The following ZC2HC1B variants were observed in gnomAD, a reference collection of about 807,000 sequenced individuals.
The protein encoded by ZC2HC1B is zinc finger C2HC domain-containing protein 1B.
Under a neutral mutation model 31.0 loss-of-function variants are expected in ZC2HC1B, and 36 were observed. The observed-to-expected ratio is 1.16, with a 90% CI of 0.89 to 1.54. The LOEUF is 1.54. Ranked by LOEUF, ZC2HC1B falls within the 40% of genes most tolerant of loss-of-function variation. The probability of loss-of-function intolerance (pLI) is 0.00; values close to 1 mark genes in which losing one functional copy is unlikely to be tolerated. For synonymous variants in ZC2HC1B, 73 were observed against 88.0 expected (o/e 0.83, Z 0.95); for missense variants, 260 against 268.6 (o/e 0.97, Z 0.22).
intron 6 of ZC2HC1B, among the ~76,000 whole-genome samples, chr6:143,926,794 G>A (rs953988309): frequency 6.9e-6 from 1 of 143,936 alleles, no homozygotes; most frequent in Non-Finnish European, 1.5e-5. Context: ...GGATGTTCTG[G>A]TGTTAAGTTC....
Position 143,903,137 on chromosome 6 carries a change from G to A in ZC2HC1B, c.583G>A (p.Val195Ile), listed in dbSNP as rs767279704. ...QNRVLVATNEVPTKSGLAMDP... is the reference protein window; with the variant it reads ...QNRVLVATNEIPTKSGLAMDP... ...CAGGGTCCTGGTGGCCACGAATGAAGTCCCAACCAAGTCAGGTGAGTCAAA... is the reference window on the plus strand; with the variant it reads ...CAGGGTCCTGGTGGCCACGAATGAAATCCCAACCAAGTCAGGTGAGTCAAA... Residue 195 changes from valine to isoleucine, a missense_variant, in exon 6 of 8, where the codon GTC (valine) becomes ATC (isoleucine). Coordinates refer to ENST00000237275, the MANE Select transcript of ZC2HC1B (RefSeq NM_001013623.3). The surrounding 1 kb of genome is among the most constrained non-coding windows in gnomAD (Gnocchi z 4.3). 56 of 1,552,064 alleles carry A rather than the reference G, an allele frequency of 3.6e-5. No individual in the cohort carries two copies. Among genetic ancestry groups the A allele is most frequent in the Non-Finnish European group, 4.8e-5 (55 of 1,147,102 alleles).
Position 143,903,093 on chromosome 6 carries a change from T to A in ZC2HC1B, c.539T>A (p.Val180Glu). Residue 180 changes from valine to glutamate, a missense_variant, in exon 6 of 8, where the codon GTG becomes GAG. Physicochemically the swap from Val to Glu is moderately radical, Grantham distance 121. Transcript: ENST00000237275. The surrounding 1 kb of genome is among the most constrained non-coding windows in gnomAD (Gnocchi z 4.3). ...PKKEPTVTSA[V>E]GALLQNRVLV... ...AAAGAACCAACTGTTACCAGTGCTGTGGGAGCTTTGCTGCAGAACAGGGTC... is the reference window on the plus strand; with the variant it reads ...AAAGAACCAACTGTTACCAGTGCTGAGGGAGCTTTGCTGCAGAACAGGGTC... The A allele has an allele frequency of 6.4e-7, 1 of 1,551,988 alleles. No individual in the cohort carries two copies. Among genetic ancestry groups the A allele is most frequent in the African/African-American group, 1.4e-5 (1 of 73,168 alleles).
In ZC2HC1B at chr6:143,884,167, C is replaced by A; in HGVS notation, c.29-137C>A. ...GAGTTTAGTTTACACAGGGTCTTCC[C>A]AAAGGGAAGAAGCAGTTGGTGGGGA... On this transcript the variant is annotated intron_variant, in intron 1 of 7. Transcript: ENST00000237275. The surrounding 1 kb of genome is among the most constrained non-coding windows in gnomAD (Gnocchi z 5.1). The A allele has an allele frequency of 1.4e-6, 1 of 699,324 alleles. No individual in the cohort carries two copies. Among genetic ancestry groups the A allele is most frequent in the Non-Finnish European group, 2.2e-6 (1 of 447,078 alleles). The allele number at this position is 699,324 out of a possible 1,614,324, so 43.3% of individuals were successfully genotyped here.
At position 143,903,470 on chromosome 6, in the gene ZC2HC1B, A is replaced by G. The variant is rs183274356; in HGVS notation, c.598+318A>G. Among the ~76,000 whole-genome samples, 99 of 152,334 alleles carry G rather than the reference A, an allele frequency of 6.5e-4. No individual in the cohort carries two copies. The Middle Eastern group carries it at 0.01, about 16-fold the overall frequency. ...CACGTGTCATATGTTTGTGTTGAAAATAAGGGGAAAGTTTCTTTTCTAGAA... is the reference window on the plus strand; with the variant it reads ...CACGTGTCATATGTTTGTGTTGAAAGTAAGGGGAAAGTTTCTTTTCTAGAA... On this transcript the variant is annotated intron_variant, in intron 6 of 7. Coordinates refer to ENST00000237275, the MANE Select transcript of ZC2HC1B (RefSeq NM_001013623.3). This position sits in a 1 kb window ranked among gnomAD's most constrained non-coding sequence, Gnocchi z 4.3.
At chr6:143,873,473 G>A (rs543797773) in intron 1 of ZC2HC1B, among the ~76,000 whole-genome samples, 10 of 152,324 alleles carry the variant, frequency 6.6e-5, no homozygotes, top group African/African-American at 2.2e-4. Flanking sequence ...ACTCTGTGTG[G>A]GGGCTCTACC....
At chr6:143,935,180 T>TA (rs1197375560) in intron 6 of ZC2HC1B, among the ~76,000 whole-genome samples, 1 of 151,672 alleles carries the variant, frequency 6.6e-6, no homozygotes, top group Non-Finnish European at 1.5e-5. Context: ...TGTATGCAGG[T>TA]ACCAATAGGC....
chr6:143,926,988 C>T (rs376368609), intron 6 of ZC2HC1B, among the ~76,000 whole-genome samples: 1 of 126,978 alleles, frequency 7.9e-6, no homozygotes, highest in African/African-American at 3.3e-5. Context: ...TTAGTAGAGA[C>T]GGGGTTTCAC....
In ZC2HC1B at chr6:143,869,584, A is replaced by C. The variant is rs758116813; in HGVS notation, c.28+5017A>C. ...ATGGTAGTCTTGGCAGAAGCATTGC[A>C]TGGAGGATAGGCAAACCCATATCCA... On this transcript the variant is annotated intron_variant, in intron 1 of 7. Coordinates refer to ENST00000237275, the MANE Select transcript of ZC2HC1B (RefSeq NM_001013623.3). The surrounding 1 kb of genome is among the most constrained non-coding windows in gnomAD (Gnocchi z 5.2). Among the ~76,000 whole-genome samples the C allele has an allele frequency of 6.6e-6, 1 of 152,262 alleles. No homozygotes were observed. Among genetic ancestry groups the C allele is most frequent in the Non-Finnish European group, 1.5e-5 (1 of 68,042 alleles).
chr6:143,935,122 C>T (rs78592790), intron 6 of ZC2HC1B, among the ~76,000 whole-genome samples: 5,365 of 117,436 alleles, frequency 0.046, 121 homozygotes, highest in South Asian at 0.17. Context: ...AGTATGTGGA[C>T]GCTGCAGATG....
chr6:143,901,177 G>A (rs531831208), intron 5 of ZC2HC1B, among the ~76,000 whole-genome samples: 7 of 150,098 alleles, frequency 4.7e-5, no homozygotes, highest in African/African-American at 1.7e-4. Flanking sequence ...ATGAAAAGAA[G>A]TGCAATGTAG....
At chr6:143,879,893 T>C (rs1249602213) in intron 1 of ZC2HC1B, among the ~76,000 whole-genome samples, 3 of 140,930 alleles carry the variant, frequency 2.1e-5, no homozygotes, top group Non-Finnish European at 3.0e-5. Context: ...CAATCAATCA[T>C]GGCTCACTGC....
chr6:143,879,824 ATTTTTTTT>A (rs557859315), intron 1 of ZC2HC1B, among the ~76,000 whole-genome samples: 1 of 53,680 alleles, frequency 1.9e-5, no homozygotes, highest in Admixed American at 2.6e-4. Context: ...GTTGTCCCTG[ATTTTTTTT>A]TTTTTTTTTT....
chr6:143,865,782 A>G lies in ZC2HC1B; in HGVS notation c.28+1215A>G, dbSNP rs1240336748. Among the ~76,000 whole-genome samples the G allele has an allele frequency of 6.6e-6, 1 of 152,184 alleles. No individual in the cohort carries two copies. The highest frequency in any genetic ancestry group is 1.5e-5 in the Non-Finnish European group (1 of 68,036). On this transcript the variant is annotated intron_variant, in intron 1 of 7. Coordinates refer to ENST00000237275, the MANE Select transcript of ZC2HC1B (RefSeq NM_001013623.3). This position sits in a 1 kb window ranked among gnomAD's most constrained non-coding sequence, Gnocchi z 4.4. Reference sequence around the variant, plus strand: ...GAGGAGAGAAAGGCCTAAGAGATCCAGGCAGGGGGCAAAATCTTGAAGAAT... The same window carrying G: ...GAGGAGAGAAAGGCCTAAGAGATCCGGGCAGGGGGCAAAATCTTGAAGAAT...
At chr6:143,920,097 A>G (rs1777970495) in intron 6 of ZC2HC1B, among the ~76,000 whole-genome samples, 1 of 152,112 alleles carries the variant, frequency 6.6e-6, no homozygotes, top group Non-Finnish European at 1.5e-5. Context: ...TCAGAAAAAT[A>G]AAAAAACAAT....
Position 143,885,967 on chromosome 6 carries a change from A to C in ZC2HC1B, c.91-65A>C. The C allele has an allele frequency of 7.0e-7, 1 of 1,431,478 alleles. No individual in the cohort carries two copies. The highest frequency in any genetic ancestry group is 9.2e-7 in the Non-Finnish European group (1 of 1,088,666). 88.7% of individuals were successfully genotyped at this position (1,431,478 alleles called of 1,614,324 possible). On this transcript the variant is annotated intron_variant, in intron 2 of 7. Transcript: ENST00000237275. This position sits in a 1 kb window ranked among gnomAD's most constrained non-coding sequence, Gnocchi z 4.2. Reference sequence around the variant, plus strand: ...TCCCTGGAGTGGGGGCTGTCTAGGTACACCTAGGCATTAAAAACTGATTGT... The same window carrying C: ...TCCCTGGAGTGGGGGCTGTCTAGGTCCACCTAGGCATTAAAAACTGATTGT...
At chr6:143,928,263 T>A (rs1477664811) in intron 6 of ZC2HC1B, among the ~76,000 whole-genome samples, 1 of 152,200 alleles carries the variant, frequency 6.6e-6, no homozygotes, top group Non-Finnish European at 1.5e-5. Context: ...ATCATACATT[T>A]CAGTCTTTAA....
intron 1 of ZC2HC1B, among the ~76,000 whole-genome samples, chr6:143,874,675 A>G (rs1268396195): frequency 6.6e-6 from 1 of 152,196 alleles, no homozygotes; most frequent in East Asian, 1.9e-4. Flanking sequence ...AGACTCATTT[A>G]CTATCACAAG....
Position 143,903,099 on chromosome 6 carries a change from C to T in ZC2HC1B, c.545C>T (p.Ala182Val). ...KEPTVTSAVGALLQNRVLVAT... is the reference protein window; with the variant it reads ...KEPTVTSAVGVLLQNRVLVAT... ...CCAACTGTTACCAGTGCTGTGGGAGCTTTGCTGCAGAACAGGGTCCTGGTG... is the reference window on the plus strand; with the variant it reads ...CCAACTGTTACCAGTGCTGTGGGAGTTTTGCTGCAGAACAGGGTCCTGGTG... The change falls in exon 6 of 8, where the codon GCT becomes GTT. Residue 182 changes from alanine to valine, a missense_variant. Coordinates refer to ENST00000237275, the MANE Select transcript of ZC2HC1B (RefSeq NM_001013623.3). This position sits in a 1 kb window ranked among gnomAD's most constrained non-coding sequence, Gnocchi z 4.3. 6.4e-7 allele frequency: 1 copy of T among 1,552,036 alleles called. No individual in the cohort carries two copies.
In ZC2HC1B at chr6:143,937,738, G is replaced by GA. The variant is rs771243289; in HGVS notation, c.*14+14dup. On this transcript the variant is annotated splice_donor_region_variant and intron_variant, in intron 7 of 7. Coordinates refer to ENST00000237275, the MANE Select transcript of ZC2HC1B (RefSeq NM_001013623.3). ...AGATTAACTCCTAGAAGCCAGGTAA[G>GA]AAAAAAAAATCACCGCTAATCCAGC... The GA allele has an allele frequency of 3.0e-4, 464 of 1,521,626 alleles. No homozygotes were observed. Among genetic ancestry groups the GA allele is most frequent in the Admixed American group, 6.3e-4 (29 of 46,110 alleles). 94.3% of individuals were successfully genotyped at this position (1,521,626 alleles called of 1,614,324 possible).
Sources: allele counts gnomAD v4.1 joint callset (sites outside exome capture counted in the v4.1 genomes callset), GRCh38; gene constraint gnomAD v4.1.1; non-coding constraint Gnocchi (gnomAD v3.1); transcripts MANE v1.5; gene names NCBI Gene and HGNC (gene_info 2026-07-23, HGNC 2026-07-21).